Variants in TNFAIP8 observed in about 807,000 individuals in gnomAD.
The protein encoded by TNFAIP8 is tumor necrosis factor alpha-induced protein 8.
Under a neutral mutation model 13.3 loss-of-function variants are expected in TNFAIP8, and 7 were observed. That is an observed-to-expected ratio of 0.52 (90% CI 0.30 to 0.99). The LOEUF (loss-of-function observed/expected upper bound fraction) is 0.99. Among genes scored for constraint, TNFAIP8 ranks in the 50% least tolerant of loss-of-function variants. The probability of loss-of-function intolerance (pLI) is 0.07; values close to 1 mark genes in which losing one functional copy is unlikely to be tolerated. For missense variants in TNFAIP8, 258 were observed against 236.9 expected (o/e 1.09, Z -0.58); for synonymous variants, 94 against 87.6 (o/e 1.07, Z -0.41).
chr5:119,271,949 A>T (rs78338593), intron 1 of TNFAIP8, among the ~76,000 whole-genome samples: 1 of 152,120 alleles, frequency 6.6e-6, no homozygotes, highest in Non-Finnish European at 1.5e-5. Flanking sequence ...GGTTTTGATG[A>T]CTGTGGCCCT....
At position 119,397,145 on chromosome 5, in the gene TNFAIP8, AC is replaced by A. The variant is rs1330435900; in HGVS notation, c.*3765del. The A allele has an allele frequency of 2.0e-5, 3 of 152,072 alleles. No individual in the cohort carries two copies. Among genetic ancestry groups the A allele is most frequent in the African/African-American group, 7.2e-5 (3 of 41,470 alleles). 9.4% of individuals were successfully genotyped at this position (152,072 alleles called of 1,614,324 possible). ...TGTGAATACACACACACACACACAC[AC>A]ACACACAATTTTTAAGCCCCCAAAG... On this transcript the variant is annotated 3_prime_UTR_variant, in exon 2 of 2. Coordinates refer to ENST00000504771, the MANE Select transcript of TNFAIP8 (RefSeq NM_014350.4).
chr5:119,373,693 A>T (rs892725514), intron 1 of TNFAIP8, among the ~76,000 whole-genome samples: 1 of 152,230 alleles, frequency 6.6e-6, no homozygotes, highest in South Asian at 2.1e-4. Context: ...TTGTTTCCCA[A>T]ATATGGTACG....
chr5:119,376,558 T>TCCCC (rs530865174), intron 1 of TNFAIP8, among the ~76,000 whole-genome samples: 3 of 144,382 alleles, frequency 2.1e-5, no homozygotes, highest in African/African-American at 8.3e-5. Flanking sequence ...TTCATTGTCT[T>TCCCC]CCCACCCCCC....
intron 1 of TNFAIP8, among the ~76,000 whole-genome samples, chr5:119,369,631 C>A (rs1752001677): frequency 6.6e-6 from 1 of 152,096 alleles, no homozygotes; most frequent in Non-Finnish European, 1.5e-5. Flanking sequence ...GTGCCTCTGG[C>A]CTCATTGTTT....
intron 1 of TNFAIP8, 107 bp from the exon 2 acceptor site, chr5:119,392,709 G>C: frequency 7.8e-7 from 1 of 1,284,152 alleles, no homozygotes; most frequent in Non-Finnish European, 1.0e-6. Context: ...ACCACAAATG[G>C]TGGGAAAATG....
Position 119,367,961 on chromosome 5 carries a change from G to C in TNFAIP8, c.31+11840G>C, listed in dbSNP as rs1360992294. Among the ~76,000 whole-genome samples, 3 of 152,158 alleles carry C rather than the reference G, an allele frequency of 2.0e-5. No individual in the cohort carries two copies. The East Asian group carries it at 5.8e-4, about 29-fold the overall frequency. On this transcript the variant is annotated intron_variant, in intron 1 of 1. Coordinates refer to ENST00000504771, the MANE Select transcript of TNFAIP8 (RefSeq NM_014350.4). ...TAAGAGGATATTTGAATAGTCATGA[G>C]AATCAGCTAGAGTCAGTATTCTCTC... is the stretch of plus-strand genomic sequence containing the variant.
chr5:119,270,848 G>T (rs1379376972), intron 1 of TNFAIP8, among the ~76,000 whole-genome samples: 1 of 152,174 alleles, frequency 6.6e-6, no homozygotes, highest in Non-Finnish European at 1.5e-5. Flanking sequence ...TAATAAATCA[G>T]TGAATAAAAC....
Position 119,394,611 on chromosome 5 carries a change from A to ATTTTTTTTTTTT in TNFAIP8, c.*1238_*1249dup, listed in dbSNP as rs397963876. 36 of 114,684 alleles carry ATTTTTTTTTTTT rather than the reference A, an allele frequency of 3.1e-4. 2 individuals are homozygous for ATTTTTTTTTTTT. Among genetic ancestry groups the ATTTTTTTTTTTT allele is most frequent in the African/African-American group, 1.4e-3 (34 of 24,790 alleles). The allele number at this position is 114,684 out of a possible 1,614,324, so 7.1% of individuals were successfully genotyped here. On this transcript the variant is annotated 3_prime_UTR_variant, in exon 2 of 2. Coordinates refer to ENST00000504771, the MANE Select transcript of TNFAIP8 (RefSeq NM_014350.4). ...CATTTCCATTGTCACTGTGTCTATG[A>ATTTTTTTTTTTT]TTTTTTTTTTTTTTTTTTTGAGTCT...
chr5:119,327,998 G>A (rs1311766573), intron 1 of TNFAIP8, among the ~76,000 whole-genome samples: 1 of 152,090 alleles, frequency 6.6e-6, no homozygotes, highest in Non-Finnish European at 1.5e-5. Context: ...CTAGCTAAGT[G>A]AAGTAAGATG....
chr5:119,399,530 C>T lies in TNFAIP8; in HGVS notation c.*6149C>T, dbSNP rs1389125924. 1.3e-5 allele frequency: 2 copies of T among 152,102 alleles called. No homozygotes were observed. Among genetic ancestry groups the T allele is most frequent in the African/African-American group, 4.8e-5 (2 of 41,424 alleles). The allele number at this position is 152,102 out of a possible 1,614,324, so 9.4% of individuals were successfully genotyped here. On this transcript the variant is annotated 3_prime_UTR_variant, in exon 2 of 2. Transcript: ENST00000504771. ...AAATGAAGCAACAGACTTCAGCAGC[C>T]TGAGAGAATTTTGTTCAATTCCAGT...
At chr5:119,350,996 CTCTGTGTGTGTG>C (rs1188222468) in intron 1 of TNFAIP8, among the ~76,000 whole-genome samples, 1 of 101,608 alleles carries the variant, frequency 9.8e-6, no homozygotes, top group African/African-American at 5.0e-5. Context: ...AGGGGTCTCA[CTCTGTGTGTGTG>C]TGTGTGTGTG....
intron 1 of TNFAIP8, among the ~76,000 whole-genome samples, chr5:119,341,347 G>C (rs138604882): frequency 1.3e-5 from 2 of 152,128 alleles, no homozygotes; most frequent in Non-Finnish European, 2.9e-5. Flanking sequence ...ATCTCAAGTC[G>C]TGAGACCTGT....
chr5:119,326,497 T>C (rs1750230508), intron 1 of TNFAIP8, among the ~76,000 whole-genome samples: 1 of 152,174 alleles, frequency 6.6e-6, no homozygotes. Flanking sequence ...TGGGGACTGC[T>C]TTAAGTCCTA....
chr5:119,270,112 G>A (rs773241539), intron 1 of TNFAIP8, among the ~76,000 whole-genome samples: 1 of 152,226 alleles, frequency 6.6e-6, no homozygotes, highest in Non-Finnish European at 1.5e-5. Context: ...TAACAAAGCT[G>A]TGTGGCCAAA....
chr5:119,310,888 CCT>C (rs996129769), intron 1 of TNFAIP8, among the ~76,000 whole-genome samples: 7 of 152,226 alleles, frequency 4.6e-5, no homozygotes, highest in African/African-American at 1.7e-4. Context: ...CCTTCTCTCC[CCT>C]GTCTGGTCCC....
chr5:119,323,696 G>A (rs1750130607), intron 1 of TNFAIP8, among the ~76,000 whole-genome samples: 1 of 152,156 alleles, frequency 6.6e-6, no homozygotes, highest in African/African-American at 2.4e-5. Context: ...GTTGTAATCT[G>A]TGTTCTTTGG....
chr5:119,362,620 A>ACC (rs545757509), intron 1 of TNFAIP8, among the ~76,000 whole-genome samples: 33,527 of 151,372 alleles, frequency 0.22, 3,982 homozygotes, highest in Non-Finnish European at 0.25. Flanking sequence ...ACAAAGTGAG[A>ACC]CCCCCCATCT....
In TNFAIP8 at chr5:119,389,024, G is replaced by A. The variant is rs553156583; in HGVS notation, c.32-3792G>A. Among the ~76,000 whole-genome samples, 8 of 152,258 alleles carry A rather than the reference G, an allele frequency of 5.3e-5. No individual in the cohort carries two copies. The East Asian group carries it at 9.6e-4, about 18-fold the overall frequency. ...AGGGGTTTGGACTAGGCTGCTGTCCGTGGAGATGGAGGGAAATGGATAGAA... is the reference window on the plus strand; with the variant it reads ...AGGGGTTTGGACTAGGCTGCTGTCCATGGAGATGGAGGGAAATGGATAGAA... On this transcript the variant is annotated intron_variant, in intron 1 of 1. Transcript: ENST00000504771.
intron 1 of TNFAIP8, among the ~76,000 whole-genome samples, chr5:119,290,335 C>G (rs1748942181): frequency 6.6e-6 from 1 of 152,318 alleles, no homozygotes. Context: ...GCCAGGTCAA[C>G]AGATATCTGA....
Sources: allele counts gnomAD v4.1 joint callset (sites outside exome capture counted in the v4.1 genomes callset), GRCh38; gene constraint gnomAD v4.1.1; transcripts MANE v1.5; gene names NCBI Gene and HGNC (gene_info 2026-07-23, HGNC 2026-07-21).